Variants in TMEM132B observed in about 807,000 individuals in gnomAD.
The protein encoded by TMEM132B is transmembrane protein 132B.
Under a neutral mutation model 90.8 loss-of-function variants are expected in TMEM132B, and 18 were observed. The observed-to-expected ratio is 0.20, with a 90% CI of 0.14 to 0.29. TMEM132B has a LOEUF of 0.29. TMEM132B is among the 10% of genes least tolerant of loss of function. The pLI, the probability that TMEM132B is intolerant of heterozygous loss-of-function variation, is 1.00. For missense variants in TMEM132B, 1,096 were observed against 1,326.8 expected, an observed-to-expected ratio of 0.83 and a Z score of 2.70; for synonymous variants, 504 against 523.3, an observed-to-expected ratio of 0.96 and a Z score of 0.50.
intron 1 of TMEM132B, among the ~76,000 whole-genome samples, chr12:125,226,679 A>G (rs1873688117): frequency 6.6e-6 from 1 of 152,184 alleles, no homozygotes; most frequent in Admixed American, 6.5e-5. Context: ...TTCCCTTGGG[A>G]AAGTCCACTC....
At chr12:125,239,717 T>C (rs762081588) in intron 1 of TMEM132B, among the ~76,000 whole-genome samples, 1 of 152,346 alleles carries the variant, frequency 6.6e-6, no homozygotes, top group Non-Finnish European at 1.5e-5. Flanking sequence ...AAGCCAGGGC[T>C]ACCCTCTGCT....
intron 3 of TMEM132B, among the ~76,000 whole-genome samples, chr12:125,432,694 C>A (rs532278785): frequency 8.6e-5 from 13 of 151,644 alleles, no homozygotes; most frequent in African/African-American, 2.9e-4. Flanking sequence ...TTTGATATAT[C>A]AACTTGCTTA....
At chr12:125,633,790 C>A (rs755673725) in intron 5 of TMEM132B, among the ~76,000 whole-genome samples, 1 of 152,244 alleles carries the variant, frequency 6.6e-6, no homozygotes, top group East Asian at 1.9e-4. Flanking sequence ...CTCTCTCTCT[C>A]TCTGTTCTGA....
intron 1 of TMEM132B, among the ~76,000 whole-genome samples, chr12:125,338,300 T>G (rs922405903): frequency 2.0e-5 from 3 of 152,224 alleles, no homozygotes; most frequent in Admixed American, 6.5e-5. Context: ...CTCTCTTGTC[T>G]TCTCACATTG....
intron 1 of TMEM132B, among the ~76,000 whole-genome samples, 151 bp downstream of exon 1, chr12:125,187,017 C>A (rs978545424): frequency 2.6e-5 from 4 of 152,224 alleles, no homozygotes; most frequent in Admixed American, 2.0e-4. Context: ...GAGCCCCCGG[C>A]GCGTTCCCCT....
At chr12:125,553,411 T>C (rs1159210986) in intron 4 of TMEM132B, among the ~76,000 whole-genome samples, 3 of 152,176 alleles carry the variant, frequency 2.0e-5, no homozygotes, top group Non-Finnish European at 4.4e-5. Flanking sequence ...TACTTGATGA[T>C]GTGATTGCAG....
intron 4 of TMEM132B, among the ~76,000 whole-genome samples, chr12:125,582,673 G>C (rs779703076): frequency 6.6e-6 from 1 of 152,160 alleles, no homozygotes; most frequent in Non-Finnish European, 1.5e-5. Context: ...TTCACTCATG[G>C]AGCAAATACT....
chr12:125,509,016 T>A (rs1283611230), intron 3 of TMEM132B, among the ~76,000 whole-genome samples: 1 of 152,040 alleles, frequency 6.6e-6, no homozygotes, highest in African/African-American at 2.4e-5. Context: ...ACTCCTGGCC[T>A]TAAGTGACCC....
At chr12:125,595,472 C>A (rs1248096789) in intron 5 of TMEM132B, among the ~76,000 whole-genome samples, 1 of 152,162 alleles carries the variant, frequency 6.6e-6, no homozygotes, top group Non-Finnish European at 1.5e-5. Flanking sequence ...GTGATAATAA[C>A]TAGCGTTTAT....
At chr12:125,421,705 G>C (rs927347248) in intron 3 of TMEM132B, among the ~76,000 whole-genome samples, 2 of 152,208 alleles carry the variant, frequency 1.3e-5, no homozygotes, top group Non-Finnish European at 2.9e-5. Flanking sequence ...TGAGCAGAGG[G>C]AAAGGTCATC....
At chr12:125,281,125 A>G (rs1176804761) in intron 1 of TMEM132B, among the ~76,000 whole-genome samples, 3 of 152,202 alleles carry the variant, frequency 2.0e-5, no homozygotes, top group African/African-American at 7.2e-5. Context: ...TCCTGGATAC[A>G]GGGCATGCCT....
intron 2 of TMEM132B, among the ~76,000 whole-genome samples, chr12:125,379,945 C>G (rs12299215): frequency 2.0e-5 from 3 of 151,944 alleles, no homozygotes; most frequent in Non-Finnish European, 2.9e-5. Flanking sequence ...CTGTGAACTT[C>G]TATTTTGCTC....
At chr12:125,356,948 A>G (rs1016495249) in intron 2 of TMEM132B, among the ~76,000 whole-genome samples, 28 of 152,216 alleles carry the variant, frequency 1.8e-4, no homozygotes, top group Admixed American at 6.5e-4. Flanking sequence ...GTAAGATATC[A>G]TTGTTTATTG....
At chr12:125,532,425 G>T (rs1334903540) in intron 4 of TMEM132B, among the ~76,000 whole-genome samples, 1 of 152,066 alleles carries the variant, frequency 6.6e-6, no homozygotes, top group East Asian at 1.9e-4. Context: ...TGTTGGGTGA[G>T]CCCCAAATCC....
At chr12:125,225,908 G>A (rs1254157752) in intron 1 of TMEM132B, among the ~76,000 whole-genome samples, 1 of 152,176 alleles carries the variant, frequency 6.6e-6, no homozygotes, top group Non-Finnish European at 1.5e-5. Flanking sequence ...AGGACAAACA[G>A]TATGGTCAAA....
chr12:125,525,293 C>T (rs1883418751), intron 4 of TMEM132B, among the ~76,000 whole-genome samples: 1 of 152,208 alleles, frequency 6.6e-6, no homozygotes, highest in Non-Finnish European at 1.5e-5. Context: ...TGAATGTGTC[C>T]TCTCCAAAAT....
intron 5 of TMEM132B, among the ~76,000 whole-genome samples, chr12:125,626,159 A>G (rs1886225908): frequency 6.6e-6 from 1 of 152,096 alleles, no homozygotes; most frequent in African/African-American, 2.4e-5. Context: ...TTAAGTGTAG[A>G]TCTAGATTTC....
intron 1 of TMEM132B, among the ~76,000 whole-genome samples, chr12:125,238,355 A>AAAAAAAAAACC (rs1436267019): frequency 2.8e-5 from 4 of 142,082 alleles, no homozygotes; most frequent in Non-Finnish European, 6.2e-5. Flanking sequence ...TCCGTCTCAA[A>AAAAAAAAAACC]AAAAAAAAAC....
intron 4 of TMEM132B, among the ~76,000 whole-genome samples, chr12:125,543,700 C>G (rs907857827): frequency 6.6e-6 from 1 of 152,158 alleles, no homozygotes; most frequent in African/African-American, 2.4e-5. Flanking sequence ...TTATAAACAT[C>G]AGATGCTGGC....
Sources: allele counts gnomAD v4.1 joint callset (sites outside exome capture counted in the v4.1 genomes callset), GRCh38; gene constraint gnomAD v4.1.1; transcripts MANE v1.5; gene names NCBI Gene and HGNC (gene_info 2026-07-23, HGNC 2026-07-21).